The following BSN variants were observed in gnomAD, a reference collection of about 807,000 sequenced individuals.
BSN encodes the protein bassoon presynaptic cytomatrix protein.
A neutral mutation model predicts 264.8 loss-of-function variants in BSN; 57 were observed. That is an observed-to-expected ratio of 0.22 (90% CI 0.17 to 0.27). The LOEUF (loss-of-function observed/expected upper bound fraction) is 0.27, where lower values mean the gene tolerates loss of function less well. Among genes scored for constraint, BSN ranks in the 10% least tolerant of loss-of-function variants. The pLI is 1.00. For missense variants in BSN, 4,615 were observed against 5,232.5 expected (o/e 0.88, Z 3.64); for synonymous variants, 2,059 against 2,137.3 (o/e 0.96, Z 1.01).
At position 49,660,585 on chromosome 3, in the gene BSN, T is replaced by G; in HGVS notation, c.8740T>G (p.Ser2914Ala). ...EAHLPLAGQA[S>A]PQLYAASLLQ... ...TCACCTTCCCCTGGCTGGCCAGGCC[T>G]CCCCACAGCTGTATGCAGCCAGCCT... Residue 2914 changes from serine (S) to alanine (A), a missense_variant, in exon 6 of 12, where the codon TCC (serine) becomes GCC (alanine). Physicochemically the swap from Ser to Ala is moderately conservative, Grantham distance 99. Around this residue, in one of 3 missense-constraint regions of BSN, gnomAD observed 3,415 missense variants for 3,866.4 expected, o/e 0.88. Coordinates refer to ENST00000296452, the MANE Select transcript of BSN (RefSeq NM_003458.4). This position sits in a 1 kb window ranked among gnomAD's most constrained non-coding sequence, Gnocchi z 7.1. The G allele has an allele frequency of 1.9e-6, 3 of 1,609,158 alleles. No homozygotes were observed. The highest frequency in any genetic ancestry group is 1.3e-5 in the African/African-American group (1 of 74,774).
Position 49,657,368 on chromosome 3 carries a change from A to T in BSN, c.7812A>T (p.Ala2604=), listed in dbSNP as rs1241263492. ...SRYLLSRRRR[A]RRSADCSVQT... ...ACCTCTTGAGTCGGCGACGCCGGGC[A>T]CGGCGGAGTGCTGACTGCAGTGTGC... Residue 2604 remains alanine (A), a synonymous_variant, in exon 5 of 12, where the codon GCA becomes GCT. Transcript: ENST00000296452. The T allele has an allele frequency of 1.2e-6, 2 of 1,613,306 alleles. No homozygotes were observed. Among genetic ancestry groups the T allele is most frequent in the South Asian group, 2.2e-5 (2 of 91,086 alleles).
chr3:49,671,951 C>G (rs550563499), downstream of BSN, among the ~76,000 whole-genome samples: 1 of 150,626 alleles, frequency 6.6e-6, no homozygotes, highest in Non-Finnish European at 1.5e-5. The surrounding 1 kb of genome is among the most constrained non-coding windows in gnomAD (Gnocchi z 4.1). Flanking sequence ...AAACTCTCAC[C>G]GGCTGCCAGA....
intron 1 of BSN, among the ~76,000 whole-genome samples, chr3:49,581,983 G>T (rs2051898639): frequency 6.6e-6 from 1 of 152,102 alleles, no homozygotes; most frequent in African/African-American, 2.4e-5. Context: ...CAAGTCCCTG[G>T]TTTTACTTCC....
intron 11 of BSN, 85 bp downstream of exon 11, chr3:49,665,403 A>C (rs2108101364): frequency 6.6e-6 from 1 of 152,606 alleles, no homozygotes; most frequent in Middle Eastern, 3.4e-3. Flanking sequence ...AGTTCTGACA[A>C]GTGTGAACTG....
Position 49,661,186 on chromosome 3 carries a change from C to T in BSN, c.9341C>T (p.Pro3114Leu), listed in dbSNP as rs2052650786. The change falls in exon 6 of 12, where the codon CCC (proline) becomes CTC (leucine). Residue 3114 changes from proline (P) to leucine (L), a missense_variant. By Grantham distance (98) the Pro-to-Leu change is moderately conservative (BLOSUM62 -3). Around this residue, in one of 3 missense-constraint regions of BSN, gnomAD observed 3,415 missense variants for 3,866.4 expected, o/e 0.88. Coordinates refer to ENST00000296452, the MANE Select transcript of BSN (RefSeq NM_003458.4). The part of the protein sequence containing the change: ...PGLPNQQAFR[P>L]TGHYAGQTPM... ...CTGCCAAACCAGCAGGCTTTCCGCC[C>T]CACAGGCCACTATGCAGGCCAAACA... 6.2e-7 allele frequency: 1 copy of T among 1,613,530 alleles called. No individual in the cohort carries two copies. Among genetic ancestry groups the T allele is most frequent in the African/African-American group, 1.3e-5 (1 of 74,924 alleles).
At chr3:49,591,460 G>A (rs2051976648) in intron 1 of BSN, among the ~76,000 whole-genome samples, 1 of 152,130 alleles carries the variant, frequency 6.6e-6, no homozygotes, top group African/African-American at 2.4e-5. Context: ...GGTGTCACTT[G>A]CTTTCTGCCT....
intron 3 of BSN, among the ~76,000 whole-genome samples, chr3:49,643,720 C>G (rs888602968): frequency 2.0e-5 from 3 of 152,208 alleles, no homozygotes; most frequent in South Asian, 2.1e-4. Context: ...AAAGTCACAG[C>G]CTTTGGTCCA....
intron 1 of BSN, among the ~76,000 whole-genome samples, chr3:49,601,814 A>G (rs1020596850): frequency 6.6e-5 from 10 of 152,232 alleles, no homozygotes; most frequent in African/African-American, 1.9e-4. Context: ...GGTAGTTATT[A>G]GATTTCTGAA....
intron 5 of BSN, among the ~76,000 whole-genome samples, chr3:49,659,631 G>C (rs1559618264): frequency 6.6e-6 from 1 of 152,150 alleles, no homozygotes. Context: ...AAAGGGAGAA[G>C]ACAGAGTGAA....
chr3:49,662,690 C>G, intron 6 of BSN, 128 bp downstream of exon 6: 1 of 1,455,884 alleles, frequency 6.9e-7, no homozygotes, highest in Non-Finnish European at 9.1e-7. Flanking sequence ...GGCCCTGCTG[C>G]AGGCAGGCTG....
At position 49,662,553 on chromosome 3, in the gene BSN, G is replaced by A. The variant is rs779949346; in HGVS notation, c.10708G>A (p.Asp3570Asn). The change falls in exon 6 of 12, where the codon GAC (aspartate) becomes AAC (asparagine). Residue 3570 changes from aspartate to asparagine, a missense_variant. By Grantham distance (23) the Asp-to-Asn change is conservative. Transcript: ENST00000296452. ...ILDDSHCVVS[D>N]SEAYHLGQEE... is the part of the protein sequence containing the mutation. ...GGATGATTCCCATTGCGTGGTTTCC[G>A]ACAGCGAAGGTAATGGCAGCCAGGG... The A allele has an allele frequency of 5.0e-6, 8 of 1,584,712 alleles. No individual in the cohort carries two copies. Among genetic ancestry groups the A allele is most frequent in the South Asian group, 3.5e-5 (3 of 86,868 alleles).
Position 49,664,821 on chromosome 3 carries a change from A to T in BSN, c.11763A>T (p.Lys3921Asn), listed in dbSNP as rs1304641709. Residue 3921 changes from lysine to asparagine, a missense_variant, in exon 10 of 12, where the codon AAA becomes AAT. Physicochemically the swap from Lys to Asn is moderately conservative, Grantham distance 94. This residue lies in a region of BSN where 3,415 missense variants were observed against 3,866.4 expected (regional missense o/e 0.88). Transcript: ENST00000296452. ...LTEAVSAFGK[K>N]FSSFW Reference sequence around the variant, plus strand: ...CAGCTGTCTCTGCTTTTGGCAAAAAATTTTCCTCATTCTGGTGACCATGCC... The same window carrying T: ...CAGCTGTCTCTGCTTTTGGCAAAAATTTTTCCTCATTCTGGTGACCATGCC... 6.3e-7 allele frequency: 1 copy of T among 1,596,220 alleles called. No individual in the cohort carries two copies. Among genetic ancestry groups the T allele is most frequent in the Admixed American group, 1.7e-5 (1 of 57,512 alleles).
chr3:49,653,203 C>T lies in BSN; in HGVS notation c.3647C>T (p.Ser1216Phe). The T allele has an allele frequency of 6.2e-7, 1 of 1,611,032 alleles. No individual in the cohort carries two copies. The highest frequency in any genetic ancestry group is 2.2e-5 in the East Asian group (1 of 44,840). The change falls in exon 5 of 12, where the codon TCT becomes TTT. Residue 1216 changes from serine (S) to phenylalanine (F), a missense_variant. By Grantham distance (155) the Ser-to-Phe change is radical (BLOSUM62 -2). This residue lies in a region of BSN where 3,415 missense variants were observed against 3,866.4 expected (regional missense o/e 0.88). Transcript: ENST00000296452. The surrounding 1 kb of genome is among the most constrained non-coding windows in gnomAD (Gnocchi z 6.3). ...AGARGPHGGPSQPTGPRGLGS... is the reference protein window; with the variant it reads ...AGARGPHGGPFQPTGPRGLGS... ...GCCCGGGGACCCCATGGCGGCCCCT[C>T]TCAGCCCACAGGCCCCCGGGGCCTG...
chr3:49,629,280 C>T (rs1263653429), intron 2 of BSN, among the ~76,000 whole-genome samples: 3 of 152,248 alleles, frequency 2.0e-5, no homozygotes, highest in African/African-American at 4.8e-5. Context: ...TCCACCTTTC[C>T]GTTCTTCAGT....
rs1437090216 is a variant in BSN, at chr3:49,663,662, G to A, written c.11504G>A (p.Gly3835Glu). Residue 3835 changes from glycine to glutamate, a missense_variant, in exon 7 of 12, where the codon GGA becomes GAA. Gly to Glu is a moderately conservative substitution (Grantham distance 98). Transcript: ENST00000296452. The stretch of plus-strand genomic sequence containing the variant: ...ACAGCCACAGGTCCTCAACCAGCAG[G>A]ACCGGTAAGCAGAGCTCCCATGCAT... ...PSTATGPQPA[G>E]PPRAEQTNGS... 6.2e-7 allele frequency: 1 copy of A among 1,603,664 alleles called. No homozygotes were observed. Among genetic ancestry groups the A allele is most frequent in the South Asian group, 1.1e-5 (1 of 89,616 alleles).
Position 49,661,754 on chromosome 3 carries a change from C to G in BSN, c.9909C>G (p.Gly3303=), listed in dbSNP as rs1269674117. Residue 3303 remains glycine, a synonymous_variant, in exon 6 of 12, where the codon GGC becomes GGG. Coordinates refer to ENST00000296452, the MANE Select transcript of BSN (RefSeq NM_003458.4). ...EDSYDPRGKG[G]HLRSMESNGR... ...CATACGATCCCCGCGGGAAGGGTGG[C>G]CACCTCCGGAGCATGGAGAGCAATG... The G allele has an allele frequency of 6.2e-7, 1 of 1,613,254 alleles. No homozygotes were observed. The highest frequency in any genetic ancestry group is 2.2e-5 in the East Asian group (1 of 44,888).
intron 1 of BSN, among the ~76,000 whole-genome samples, chr3:49,605,669 T>TAA (rs1431812349): frequency 6.0e-5 from 3 of 49,762 alleles, no homozygotes; most frequent in Admixed American, 3.8e-4. Context: ...ATAATATATA[T>TAA]TACATATATG....
intron 1 of BSN, among the ~76,000 whole-genome samples, chr3:49,592,339 A>G (rs1018298218): frequency 1.3e-5 from 2 of 150,906 alleles, no homozygotes; most frequent in African/African-American, 4.9e-5. Flanking sequence ...GGCACTCCTG[A>G]CCTCAGGTGA....
At chr3:49,601,050 C>A (rs1298129984) in intron 1 of BSN, among the ~76,000 whole-genome samples, 2 of 152,146 alleles carry the variant, frequency 1.3e-5, no homozygotes, top group African/African-American at 4.8e-5. Flanking sequence ...ATCCCCAAGG[C>A]TTAGTCAAGG....
Sources: allele counts gnomAD v4.1 joint callset (sites outside exome capture counted in the v4.1 genomes callset), GRCh38; gene constraint gnomAD v4.1.1; regional missense constraint gnomAD v4.1.1; non-coding constraint Gnocchi (gnomAD v3.1); transcripts MANE v1.5; gene names NCBI Gene and HGNC (gene_info 2026-07-23, HGNC 2026-07-21).